The following SLC25A21 variants were observed in gnomAD, a reference collection of about 807,000 sequenced individuals.
SLC25A21 encodes solute carrier family 25 member 21, also known as mitochondrial 2-oxodicarboxylate carrier.
Under a neutral mutation model 43.8 loss-of-function variants are expected in SLC25A21, and 47 were observed. That is an observed-to-expected ratio of 1.07 (90% CI 0.85 to 1.37). The LOEUF (loss-of-function observed/expected upper bound fraction) is 1.37. SLC25A21 is among the 40% of genes most tolerant of loss of function. The pLI is 0.00. For synonymous variants in SLC25A21, 131 were observed against 121.3 expected (o/e 1.08, Z -0.52); for missense variants, 352 against 350.2 (o/e 1.00, Z -0.04).
At chr14:36,697,054 T>C (rs1353594423) in intron 7 of SLC25A21, among the ~76,000 whole-genome samples, 1 of 152,236 alleles carries the variant, frequency 6.6e-6, no homozygotes, top group East Asian at 1.9e-4. Flanking sequence ...TTTAGTGCTA[T>C]AAATTTCCCT....
At chr14:36,794,981 C>G (rs964458114) in intron 3 of SLC25A21, among the ~76,000 whole-genome samples, 1 of 152,040 alleles carries the variant, frequency 6.6e-6, no homozygotes, top group African/African-American at 2.4e-5. Context: ...TATGCTTTTA[C>G]GACTTGGTGG....
intron 1 of SLC25A21, among the ~76,000 whole-genome samples, chr14:36,994,655 C>T (rs1960333507): frequency 6.6e-6 from 1 of 152,074 alleles, no homozygotes; most frequent in Non-Finnish European, 1.5e-5. Flanking sequence ...AACACAGAGG[C>T]CAGCGATATT....
At chr14:37,120,326 G>A (rs1963184751) in intron 1 of SLC25A21, among the ~76,000 whole-genome samples, 1 of 152,090 alleles carries the variant, frequency 6.6e-6, no homozygotes, top group Admixed American at 6.6e-5. Context: ...AGCATATATT[G>A]TACATGTGTG....
At chr14:37,086,408 T>C (rs1460095890) in intron 1 of SLC25A21, among the ~76,000 whole-genome samples, 2 of 152,264 alleles carry the variant, frequency 1.3e-5, no homozygotes, top group African/African-American at 2.4e-5. Flanking sequence ...ACTATGTGTA[T>C]AGATATGTTT....
intron 1 of SLC25A21, among the ~76,000 whole-genome samples, chr14:36,940,058 T>C (rs1008403003): frequency 1.3e-5 from 2 of 152,146 alleles, no homozygotes; most frequent in Non-Finnish European, 2.9e-5. Flanking sequence ...ATGTAAGTAT[T>C]ATAGAATGAG....
intron 1 of SLC25A21, among the ~76,000 whole-genome samples, chr14:37,122,944 A>G (rs759533998): frequency 2.0e-5 from 3 of 152,246 alleles, no homozygotes; most frequent in Non-Finnish European, 4.4e-5. Context: ...ACAATTTGCT[A>G]CTATATCTTA....
chr14:36,875,579 C>G (rs377442669), intron 1 of SLC25A21, among the ~76,000 whole-genome samples: 1 of 152,140 alleles, frequency 6.6e-6, no homozygotes, highest in South Asian at 2.1e-4. Flanking sequence ...TTGTTCTAAG[C>G]AGTACTTAGA....
At chr14:36,731,011 C>T (rs981739032) in intron 4 of SLC25A21, among the ~76,000 whole-genome samples, 4 of 149,030 alleles carry the variant, frequency 2.7e-5, no homozygotes, top group African/African-American at 5.0e-5. Context: ...CTCGCTCTGT[C>T]GCCCAGGCTG....
intron 1 of SLC25A21, among the ~76,000 whole-genome samples, chr14:37,134,318 T>A (rs1302201186): frequency 6.6e-6 from 1 of 152,186 alleles, no homozygotes; most frequent in South Asian, 2.1e-4. Flanking sequence ...GTAGAAACTA[T>A]GTGAAAATTA....
intron 2 of SLC25A21, among the ~76,000 whole-genome samples, chr14:36,864,448 G>A (rs1253200330): frequency 1.3e-5 from 2 of 152,182 alleles, no homozygotes; most frequent in African/African-American, 4.8e-5. Flanking sequence ...ATGACTGCAT[G>A]GAAAAGAATG....
chr14:36,917,662 G>T (rs1891866885), intron 1 of SLC25A21, among the ~76,000 whole-genome samples: 1 of 151,810 alleles, frequency 6.6e-6, no homozygotes, highest in African/African-American at 2.4e-5. Flanking sequence ...ACAACAATAG[G>T]ACAAAAAATA....
chr14:36,764,079 A>AGAAAGAAGGAAAGAAGGAAGGAAGGAAG lies in SLC25A21; in HGVS notation c.204-29507_204-29506insCTTCCTTCCTTCCTTCTTTCCTTCTTTC, dbSNP rs1555326615. Reference sequence around the variant, plus strand: ...AAGAAAGAAAGAAAGAAAGAAAGAAAGAAGGAAGGAAGGAAGGAAGGAAGG... The same window carrying AGAAAGAAGGAAAGAAGGAAGGAAGGAAG: ...AAGAAAGAAAGAAAGAAAGAAAGAAAGAAAGAAGGAAAGAAGGAAGGAAGGAAGGAAGGAAGGAAGGAAGGAAGGAAGG... On this transcript the variant is annotated intron_variant, in intron 3 of 9. Transcript: ENST00000331299. 1.4e-4 allele frequency among the ~76,000 whole-genome samples: 6 copies of AGAAAGAAGGAAAGAAGGAAGGAAGGAAG among 41,850 alleles called. 1 individual carries two copies. The highest frequency in any genetic ancestry group is 5.9e-4 in the African/African-American group (3 of 5,082). The allele number at this position is 41,850 out of a possible 152,430, so 27.5% of individuals were successfully genotyped here. A position where few individuals can be genotyped will look rare whatever the true frequency, so the allele number is the denominator to read the frequency against.
At chr14:37,046,283 T>C (rs1961584252) in intron 1 of SLC25A21, among the ~76,000 whole-genome samples, 6 of 152,178 alleles carry the variant, frequency 3.9e-5, no homozygotes, top group Admixed American at 3.9e-4. Flanking sequence ...AGAGCATATA[T>C]GATCTCTTAA....
intron 1 of SLC25A21, among the ~76,000 whole-genome samples, chr14:36,968,536 G>A (rs931247542): frequency 1.3e-5 from 2 of 152,166 alleles, no homozygotes; most frequent in Non-Finnish European, 2.9e-5. Flanking sequence ...CTGGGGAAAC[G>A]GCAGGAACGT....
chr14:36,882,334 G>A (rs1273766032), intron 1 of SLC25A21, among the ~76,000 whole-genome samples: 2 of 152,154 alleles, frequency 1.3e-5, no homozygotes, highest in Non-Finnish European at 2.9e-5. Flanking sequence ...AGTTAGTTGA[G>A]ACCATGTCAC....
At chr14:36,723,229 T>C (rs1230498588) in intron 6 of SLC25A21, among the ~76,000 whole-genome samples, 4 of 152,182 alleles carry the variant, frequency 2.6e-5, no homozygotes, top group Admixed American at 1.3e-4. Flanking sequence ...TTTTCTACAA[T>C]AGTCACAATC....
chr14:37,130,470 T>A (rs1290721292), intron 1 of SLC25A21, among the ~76,000 whole-genome samples: 1 of 152,214 alleles, frequency 6.6e-6, no homozygotes, highest in Admixed American at 6.5e-5. Flanking sequence ...GGATCCATCC[T>A]GTGATTGTTT....
chr14:36,752,987 C>T (rs1037299009), intron 3 of SLC25A21, among the ~76,000 whole-genome samples: 12 of 152,034 alleles, frequency 7.9e-5, no homozygotes, highest in African/African-American at 2.2e-4. Context: ...AATGTGAGAA[C>T]GAACTAATAA....
rs141459073 is a variant in SLC25A21, at chr14:37,002,401, G to A, written c.71-127397C>T. The stretch of plus-strand genomic sequence containing the variant: ...ACTATCCAAATACTTCTGTGGAATT[G>A]TTGAGGACTCTACTAACCCTACCAG... On this transcript the variant is annotated intron_variant, in intron 1 of 9. Transcript: ENST00000331299. Among the ~76,000 whole-genome samples, 680 of 152,278 alleles carry A rather than the reference G, an allele frequency of 4.5e-3. 3 individuals are homozygous for A. Among genetic ancestry groups the A allele is most frequent in the African/African-American group, 0.015 (610 of 41,572 alleles).
Sources: gnomAD v4.1 joint callset for allele counts (sites outside exome capture counted in the v4.1 genomes callset) on GRCh38, gnomAD v4.1.1 for gene constraint, MANE v1.5 for transcripts, NCBI Gene and HGNC (gene_info 2026-07-23, HGNC 2026-07-21) for gene names.